Variants in NFYA observed in about 807,000 individuals in gnomAD.
NFYA encodes CAAT-box DNA binding protein subunit A.
NFYA carries 28 observed loss-of-function variants against 52.8 expected under a neutral mutation model. The observed-to-expected ratio is 0.53, with a 90% CI of 0.39 to 0.73. NFYA has a LOEUF of 0.73. Among genes scored for constraint, NFYA ranks in the 30% least tolerant of loss-of-function variants. NFYA has a pLI of 0.00. For synonymous variants in NFYA, 150 were observed against 150.7 expected, an observed-to-expected ratio of 1.00 and a Z score of 0.03; for missense variants, 234 against 427.0, an observed-to-expected ratio of 0.55 and a Z score of 3.98.
chr6:41,096,011 A>G (rs979531410), intron 9 of NFYA, among the ~76,000 whole-genome samples: 7 of 152,176 alleles, frequency 4.6e-5, no homozygotes, highest in African/African-American at 1.7e-4. Context: ...CACTTGCACT[A>G]TTGCAATATC....
intron 1 of NFYA, among the ~76,000 whole-genome samples, chr6:41,077,560 A>C (rs1397716142): frequency 6.6e-6 from 1 of 152,232 alleles, no homozygotes; most frequent in Non-Finnish European, 1.5e-5. Flanking sequence ...TATTAGAGAC[A>C]AGATAGAATT....
chr6:41,079,849 A>G (rs997377810), intron 2 of NFYA, among the ~76,000 whole-genome samples: 1 of 152,202 alleles, frequency 6.6e-6, no homozygotes, highest in African/African-American at 2.4e-5. Flanking sequence ...TGTTTTCAAA[A>G]TGGAATTTAG....
chr6:41,079,084 G>A lies in NFYA; in HGVS notation c.-6G>A, dbSNP rs750919032. 1.5e-5 allele frequency: 25 copies of A among 1,613,838 alleles called. No homozygotes were observed. The highest frequency in any genetic ancestry group is 3.3e-4 in the Middle Eastern group (2 of 6,084). On this transcript the variant is annotated 5_prime_UTR_variant, in exon 2 of 10. Transcript: ENST00000341376. ...AGAGTGGACAGGAATCTCACTTGGA[G>A]GGACCATGGAGCAGTATACAGCAAA... is the stretch of plus-strand genomic sequence containing the variant.
intron 3 of NFYA, 39 bp from the exon 4 acceptor site, chr6:41,084,007 C>A: frequency 6.5e-7 from 1 of 1,548,596 alleles, no homozygotes; most frequent in Non-Finnish European, 8.7e-7. Flanking sequence ...CATTTTGTGT[C>A]TTATGTTATT....
intron 2 of NFYA, among the ~76,000 whole-genome samples, 193 bp downstream of exon 2, chr6:41,079,357 T>A (rs977235392): frequency 1.3e-5 from 2 of 152,226 alleles, no homozygotes; most frequent in Non-Finnish European, 2.9e-5. Flanking sequence ...GGGTGCCTGG[T>A]TATAGTAAAT....
At chr6:41,094,265 C>G in intron 8 of NFYA, 131 bp from the exon 9 acceptor site, 1 of 694,576 alleles carries the variant, frequency 1.4e-6, no homozygotes, top group Non-Finnish European at 2.5e-6. Context: ...CATCGTCATT[C>G]TAAGTCATAA....
chr6:41,074,208 T>A (rs62396284), intron 1 of NFYA, among the ~76,000 whole-genome samples: 11,206 of 152,314 alleles, frequency 0.074, 539 homozygotes, highest in Middle Eastern at 0.13. Flanking sequence ...TGATACACTT[T>A]CAAGTCCTGT....
At chr6:41,084,301 C>G (rs929794827) in intron 4 of NFYA, 109 bp downstream of exon 4, 3 of 1,268,986 alleles carry the variant, frequency 2.4e-6, no homozygotes, top group Non-Finnish European at 3.2e-6. Context: ...CTTCCTAACC[C>G]ACATTTTGCA....
At chr6:41,093,878 G>A (rs985146758) in intron 8 of NFYA, among the ~76,000 whole-genome samples, 1 of 152,210 alleles carries the variant, frequency 6.6e-6, no homozygotes, top group African/African-American at 2.4e-5. Flanking sequence ...GGAAAGTCCA[G>A]CCTGGTGTGG....
intron 6 of NFYA, among the ~76,000 whole-genome samples, 199 bp from the exon 7 acceptor site, chr6:41,091,329 T>C: frequency 6.6e-6 from 1 of 152,204 alleles, no homozygotes; most frequent in Non-Finnish European, 1.5e-5. Context: ...AGACAGTTAA[T>C]AGAATTTCAA....
intron 7 of NFYA, among the ~76,000 whole-genome samples, chr6:41,092,354 T>A (rs1422458602): frequency 6.6e-6 from 1 of 152,168 alleles, no homozygotes; most frequent in Non-Finnish European, 1.5e-5. Context: ...TAGAGAGACC[T>A]CGTTTCTACG....
intron 2 of NFYA, among the ~76,000 whole-genome samples, chr6:41,079,541 C>A (rs1763850836): frequency 1.3e-5 from 2 of 152,144 alleles, no homozygotes; most frequent in Admixed American, 1.3e-4. Flanking sequence ...TCCAATAAAT[C>A]TTCTGTTTTT....
rs2113830988 is a variant in NFYA at position 41,099,443 on chromosome 6, TTG to T, written c.*2034_*2035del. ...CCAGCCTTGTTGCTGAATTTTTTATTTGGGGGGAGATGACTTTGAATTTTGTT... is the reference window on the plus strand; with the variant it reads ...CCAGCCTTGTTGCTGAATTTTTTATTGGGGGAGATGACTTTGAATTTTGTT... On this transcript the variant is annotated 3_prime_UTR_variant, in exon 10 of 10. Coordinates refer to ENST00000341376, the MANE Select transcript of NFYA (RefSeq NM_002505.5). The T allele has an allele frequency of 6.6e-6, 1 of 152,346 alleles. No individual in the cohort carries two copies. The highest frequency in any genetic ancestry group is 1.9e-4 in the East Asian group (1 of 5,188). 9.4% of individuals were successfully genotyped at this position (152,346 alleles called of 1,614,324 possible).
At chr6:41,092,163 A>G (rs1764213418) in intron 7 of NFYA, among the ~76,000 whole-genome samples, 1 of 152,250 alleles carries the variant, frequency 6.6e-6, no homozygotes, top group African/African-American at 2.4e-5. Flanking sequence ...ATGTCAAAAT[A>G]GGATGTTAAA....
intron 1 of NFYA, among the ~76,000 whole-genome samples, chr6:41,076,665 T>C (rs934845545): frequency 3.9e-5 from 6 of 152,228 alleles, no homozygotes; most frequent in Non-Finnish European, 8.8e-5. Context: ...TAAACACTTA[T>C]TATTTGTTTC....
intron 1 of NFYA, among the ~76,000 whole-genome samples, chr6:41,073,842 T>C (rs1763635286): frequency 6.6e-6 from 1 of 152,088 alleles, no homozygotes; most frequent in Non-Finnish European, 1.5e-5. Context: ...TACCACCCCT[T>C]TTGGCTCGTC....
At chr6:41,093,180 CCAAA>C (rs1293680682) in intron 8 of NFYA, 95 bp downstream of exon 8, 4 of 1,100,520 alleles carry the variant, frequency 3.6e-6, no homozygotes, top group Non-Finnish European at 5.1e-6. Context: ...CACGTACCTT[CCAAA>C]CAATTGACGT....
At chr6:41,092,832 A>G in intron 7 of NFYA, 80 bp from the exon 8 acceptor site, 1 of 1,459,872 alleles carries the variant, frequency 6.8e-7, no homozygotes, top group Non-Finnish European at 9.2e-7. Flanking sequence ...TACAAAAAAA[A>G]TGGATGAAGA....
rs148809160 is a variant in NFYA, at chr6:41,097,416, C to A, written c.*6C>A. The stretch of plus-strand genomic sequence containing the variant: ...AGATCATCCGAGTGTCCTAACCCCA[C>A]GCCATGTGATGGAGCTGATCAAGGT... On this transcript the variant is annotated 3_prime_UTR_variant, in exon 10 of 10. Coordinates refer to ENST00000341376, the MANE Select transcript of NFYA (RefSeq NM_002505.5). The A allele has an allele frequency of 6.2e-7, 1 of 1,613,740 alleles. No individual in the cohort carries two copies. Among genetic ancestry groups the A allele is most frequent in the South Asian group, 1.1e-5 (1 of 91,054 alleles).
Sources: allele counts gnomAD v4.1 joint callset (sites outside exome capture counted in the v4.1 genomes callset), GRCh38; gene constraint gnomAD v4.1.1; transcripts MANE v1.5; gene names NCBI Gene and HGNC (gene_info 2026-07-23, HGNC 2026-07-21).